PABPC4L: variants seen among roughly 807,000 people sequenced by gnomAD.
The protein encoded by PABPC4L is poly(A) binding protein cytoplasmic 4 like.
For synonymous variants in PABPC4L, 169 were observed against 164.1 expected (o/e 1.03, Z -0.23); for missense variants, 452 against 451.4 (o/e 1.00, Z -0.01).
At chr4:134,083,645 T>C in the PABPC4L span, among the ~76,000 whole-genome samples, 3 of 152,160 alleles carry the variant, frequency 2.0e-5, no homozygotes, top group Admixed American at 2.0e-4. Context: ...CAAAGTGAAG[T>C]TGTACTTTGG....
At chr4:134,130,624 A>T in the PABPC4L span, among the ~76,000 whole-genome samples, 2 of 152,068 alleles carry the variant, frequency 1.3e-5, no homozygotes, top group Non-Finnish European at 2.9e-5. Context: ...TACCAATCCT[A>T]TTGACACTAT....
the PABPC4L span, among the ~76,000 whole-genome samples, chr4:134,010,406 T>C: frequency 6.6e-6 from 1 of 152,148 alleles, no homozygotes; most frequent in Non-Finnish European, 1.5e-5. Flanking sequence ...ATTTTGAACA[T>C]TCTGACGTAA....
At chr4:134,137,780 C>T in the PABPC4L span, among the ~76,000 whole-genome samples, 1 of 151,816 alleles carries the variant, frequency 6.6e-6, no homozygotes, top group Non-Finnish European at 1.5e-5. Context: ...ATGCAAACCT[C>T]TTAACTAGAA....
At chr4:134,174,687 C>A in the PABPC4L span, among the ~76,000 whole-genome samples, 5 of 152,058 alleles carry the variant, frequency 3.3e-5, no homozygotes, top group African/African-American at 7.2e-5. Context: ...TATGTGTCTG[C>A]GGTTTTTCCC....
At chr4:133,972,884 C>A in the PABPC4L span, among the ~76,000 whole-genome samples, 1 of 152,086 alleles carries the variant, frequency 6.6e-6, no homozygotes, top group Non-Finnish European at 1.5e-5. Context: ...GTAAGAGATA[C>A]TATACAGCAC....
At chr4:134,047,707 G>A in the PABPC4L span, among the ~76,000 whole-genome samples, 1 of 151,962 alleles carries the variant, frequency 6.6e-6, no homozygotes, top group African/African-American at 2.4e-5. Context: ...AGTGGAGTCT[G>A]CCCTCCCGAG....
At chr4:134,110,364 G>A in the PABPC4L span, among the ~76,000 whole-genome samples, 1 of 151,920 alleles carries the variant, frequency 6.6e-6, no homozygotes, top group Non-Finnish European at 1.5e-5. Context: ...AAAGAAGTAA[G>A]ATTATTCTAA....
the PABPC4L span, among the ~76,000 whole-genome samples, chr4:134,161,003 A>G: frequency 6.6e-6 from 1 of 152,086 alleles, no homozygotes; most frequent in African/African-American, 2.4e-5. Flanking sequence ...TTAATTCAAA[A>G]TAGCTGTGTT....
the PABPC4L span, among the ~76,000 whole-genome samples, chr4:134,170,770 A>G: frequency 0.022 from 3,423 of 152,274 alleles, 131 homozygotes; most frequent in African/African-American, 0.078. Flanking sequence ...ACTAGGGACT[A>G]CAATTCAACA....
the PABPC4L span, among the ~76,000 whole-genome samples, chr4:134,082,405 G>T: frequency 6.6e-6 from 1 of 151,990 alleles, no homozygotes; most frequent in South Asian, 2.1e-4. Context: ...GAAATCAAAA[G>T]GTTAGTAAAG....
the PABPC4L span, among the ~76,000 whole-genome samples, chr4:134,040,138 T>A: frequency 6.6e-6 from 1 of 151,564 alleles, no homozygotes. Flanking sequence ...ATGGCCATAC[T>A]GTTCAAAGTA....
At chr4:134,194,009 TG>T (rs1729586024), downstream of PABPC4L, among the ~76,000 whole-genome samples, 1 of 151,918 alleles carries the variant, frequency 6.6e-6, no homozygotes, top group Non-Finnish European at 1.5e-5. Context: ...GGCGATATAT[TG>T]GCTTAGTAGT....
the PABPC4L span, among the ~76,000 whole-genome samples, chr4:134,005,370 A>C: frequency 1.3e-5 from 2 of 151,878 alleles, no homozygotes; most frequent in African/African-American, 4.8e-5. Context: ...TTTATCTTTT[A>C]TTAGTACAAC....
chr4:134,174,483 G>A, the PABPC4L span, among the ~76,000 whole-genome samples: 1 of 152,252 alleles, frequency 6.6e-6, no homozygotes, highest in African/African-American at 2.4e-5. Flanking sequence ...TAAGCCTTGT[G>A]CTATGACCGC....
chr4:134,059,716 T>A, the PABPC4L span, among the ~76,000 whole-genome samples: 2 of 151,578 alleles, frequency 1.3e-5, no homozygotes, highest in Non-Finnish European at 2.9e-5. Flanking sequence ...TCCCCTGAAA[T>A]GTTGATGAAA....
the PABPC4L span, among the ~76,000 whole-genome samples, chr4:133,991,328 G>A: frequency 6.6e-6 from 1 of 152,088 alleles, no homozygotes; most frequent in Non-Finnish European, 1.5e-5. Context: ...ATCCTGTAAG[G>A]TTCCCCAGAG....
At chr4:134,064,275 C>T in the PABPC4L span, among the ~76,000 whole-genome samples, 6 of 151,852 alleles carry the variant, frequency 4.0e-5, no homozygotes, top group African/African-American at 1.5e-4. Flanking sequence ...TAATCAAATT[C>T]CCAAGTAGGA....
At chr4:134,140,763 A>G in the PABPC4L span, among the ~76,000 whole-genome samples, 2 of 151,758 alleles carry the variant, frequency 1.3e-5, no homozygotes, top group African/African-American at 4.8e-5. Context: ...AGTTTTGACT[A>G]GTTTGATTAT....
At chr4:134,109,455 A>G in the PABPC4L span, among the ~76,000 whole-genome samples, 9 of 151,974 alleles carry the variant, frequency 5.9e-5, no homozygotes, top group South Asian at 1.9e-3. Flanking sequence ...TCCAGGTGAT[A>G]CAATATGAAA....
Sources: gnomAD v4.1 joint callset for allele counts (sites outside exome capture counted in the v4.1 genomes callset) on GRCh38, gnomAD v4.1.1 for gene constraint, MANE v1.5 for transcripts, NCBI Gene and HGNC (gene_info 2026-07-23, HGNC 2026-07-21) for gene names.